CHFR: variants seen among roughly 807,000 people sequenced by gnomAD.
CHFR encodes the protein E3 ubiquitin-protein ligase CHFR.
CHFR carries 57 observed loss-of-function variants against 87.6 expected under a neutral mutation model. The observed-to-expected ratio is 0.65, with a 90% CI of 0.53 to 0.81. The LOEUF (loss-of-function observed/expected upper bound fraction) is 0.81. Among genes scored for constraint, CHFR ranks in the 30% least tolerant of loss-of-function variants. CHFR has a pLI of 0.00. For missense variants in CHFR, 797 were observed against 865.8 expected (o/e 0.92, Z 1.00); for synonymous variants, 381 against 359.2 (o/e 1.06, Z -0.69).
chr12:132,882,391 C>T (rs892209295), intron 2 of CHFR, among the ~76,000 whole-genome samples: 7 of 152,134 alleles, frequency 4.6e-5, no homozygotes, highest in East Asian at 1.9e-4. Context: ...TTCAGGGTGA[C>T]GAACATGTTC....
chr12:132,852,453 G>C (rs1276225457), intron 11 of CHFR, among the ~76,000 whole-genome samples: 2 of 9,628 alleles, frequency 2.1e-4, no homozygotes, highest in Non-Finnish European at 0.024. Flanking sequence ...AATCGATGTG[G>C]CAGCAGAAGT....
chr12:132,855,432 C>T (rs1181717513), intron 10 of CHFR, among the ~76,000 whole-genome samples: 3 of 151,346 alleles, frequency 2.0e-5, no homozygotes, highest in East Asian at 2.0e-4. Flanking sequence ...TTTGGGAGGT[C>T]GAGGCCGGCG....
At chr12:132,853,863 C>T (rs990654115) in intron 10 of CHFR, 8 of 425,304 alleles carry the variant, frequency 1.9e-5, no homozygotes, top group Admixed American at 1.5e-4. Context: ...CAGGAGACGA[C>T]GCCAGAGCAG....
chr12:132,855,746 G>A (rs891757853), intron 10 of CHFR, among the ~76,000 whole-genome samples: 2 of 152,212 alleles, frequency 1.3e-5, no homozygotes, highest in African/African-American at 4.8e-5. Context: ...GAATGGCTGG[G>A]TAGAGGCAGC....
chr12:132,857,432 C>A lies in CHFR; in HGVS notation c.1039G>T (p.Val347Leu). 6.2e-7 allele frequency: 1 copy of A among 1,614,102 alleles called. No individual in the cohort carries two copies. The highest frequency in any genetic ancestry group is 8.5e-7 in the Non-Finnish European group (1 of 1,179,994). ...GGATGCTGGATGAGGTATGCTTCCA[C>A]GAGGTTGTTGAGGATGTGGTTTTTA... ...ICKNHILNNL[V>L]EAYLIQHPDK... is the part of the protein sequence containing the mutation. The change falls in exon 9 of 18, where the codon GTG becomes TTG. Residue 347 changes from valine (V) to leucine (L), a missense_variant. By Grantham distance (32) the Val-to-Leu change is conservative. Transcript: ENST00000450056.
Position 132,832,533 on chromosome 12 carries a change from G to C in CHFR, c.*9021C>G, listed in dbSNP as rs138234650. On this transcript the variant is annotated 3_prime_UTR_variant, in exon 18 of 18. Coordinates refer to ENST00000450056, the MANE Select transcript of CHFR (RefSeq NM_001161346.2). ...AGGTGATGGATACCCCAGTTACTGG[G>C]AGTTGATCATTATACATTGTATGTC... 4 of 152,234 alleles carry C rather than the reference G, an allele frequency of 2.6e-5. No individual in the cohort carries two copies. The highest frequency in any genetic ancestry group is 5.9e-5 in the Non-Finnish European group (4 of 68,016). 9.4% of individuals were successfully genotyped at this position (152,234 alleles called of 1,614,324 possible). A position where few individuals can be genotyped will look rare whatever the true frequency, so the allele number is the denominator to read the frequency against.
intron 4 of CHFR, among the ~76,000 whole-genome samples, chr12:132,871,676 G>A (rs1438962459): frequency 6.6e-6 from 1 of 152,074 alleles, no homozygotes; most frequent in South Asian, 2.1e-4. Flanking sequence ...GGAGGCTGAG[G>A]CAGGAGAATT....
At chr12:132,861,739 G>T (rs1951214700) in intron 6 of CHFR, 105 bp from the exon 7 acceptor site, 2 of 1,047,956 alleles carry the variant, frequency 1.9e-6, no homozygotes, top group African/African-American at 3.2e-5. Flanking sequence ...GGCAGCCTGA[G>T]ATGTCGTAGT....
intron 14 of CHFR, 37 bp downstream of exon 14, chr12:132,848,048 G>C (rs1409802207): frequency 6.2e-7 from 1 of 1,612,110 alleles, no homozygotes; most frequent in Non-Finnish European, 8.5e-7. Flanking sequence ...GGGAGAAAAT[G>C]TGGCTCCCGG....
intron 3 of CHFR, among the ~76,000 whole-genome samples, chr12:132,876,561 T>A (rs1462682479): frequency 6.6e-6 from 1 of 152,216 alleles, no homozygotes; most frequent in Non-Finnish European, 1.5e-5. Context: ...TTATTAGTTT[T>A]AAAAAATGAT....
chr12:132,847,139 C>CAAAAAAAA lies in CHFR; in HGVS notation c.1648-10_1648-9insTTTTTTTT. ...CTGGTTGCCAGGTAATTCTGTGACGCAAAAAAAGAGAGGAATAAGAAATAC... is the reference window on the plus strand; with the variant it reads ...CTGGTTGCCAGGTAATTCTGTGACGCAAAAAAAAAAAAAAAGAGAGGAATAAGAAATAC... On this transcript the variant is annotated splice_polypyrimidine_tract_variant and intron_variant, in intron 14 of 17. Coordinates refer to ENST00000450056, the MANE Select transcript of CHFR (RefSeq NM_001161346.2). The CAAAAAAAA allele has an allele frequency of 6.2e-7, 1 of 1,605,548 alleles. No individual in the cohort carries two copies.
chr12:132,860,037 C>A (rs948589000), intron 7 of CHFR, among the ~76,000 whole-genome samples: 1 of 152,140 alleles, frequency 6.6e-6, no homozygotes, highest in African/African-American at 2.4e-5. Flanking sequence ...AAAGCAAGAT[C>A]CTGTCTCTTA....
At chr12:132,870,824 G>A (rs749603865) in intron 4 of CHFR, 41 bp from the exon 5 acceptor site, 5 of 1,326,546 alleles carry the variant, frequency 3.8e-6, no homozygotes, top group Admixed American at 1.7e-5. Flanking sequence ...GGTGGCCCCT[G>A]TGCAAACTGA....
chr12:132,867,442 A>C (rs10870526), intron 6 of CHFR: 22,698 of 152,250 alleles, frequency 0.15, 1,967 homozygotes, highest in Middle Eastern at 0.22. Flanking sequence ...GATCCATGGA[A>C]AGCAAAGGTC....
At chr12:132,847,259 G>T (rs1341009865) in intron 14 of CHFR, 129 bp from the exon 15 acceptor site, 21 of 1,449,298 alleles carry the variant, frequency 1.4e-5, no homozygotes, top group Non-Finnish European at 1.6e-5. Context: ...CCTTATAAGT[G>T]GCATTTGCAG....
At position 132,874,366 on chromosome 12, in the gene CHFR, T is replaced by G. The variant is rs541551043; in HGVS notation, c.234-1972A>C. On this transcript the variant is annotated intron_variant, in intron 3 of 17. Transcript: ENST00000450056. Reference sequence around the variant, plus strand: ...AGGCAGGGAGGCCCAGGACCAGCATTCAGCGCAAGGAAGCCAGGCCCTGGA... The same window carrying G: ...AGGCAGGGAGGCCCAGGACCAGCATGCAGCGCAAGGAAGCCAGGCCCTGGA... Among the ~76,000 whole-genome samples the G allele has an allele frequency of 1.2e-3, 106 of 91,694 alleles. 1 individual carries two copies. The highest frequency in any genetic ancestry group is 4.3e-3 in the African/African-American group (102 of 23,484). The allele number at this position is 91,694 out of a possible 152,430, so 60.2% of individuals were successfully genotyped here.
In CHFR at chr12:132,836,702, C is replaced by G. The variant is rs1199366115; in HGVS notation, c.*4852G>C. On this transcript the variant is annotated 3_prime_UTR_variant, in exon 18 of 18. Transcript: ENST00000450056. ...GAACTTTAAGACCCCACCATCTAGA[C>G]TCACCGCCTCAGAAGGAGACAACCG... 1 of 456,120 alleles carries G rather than the reference C, an allele frequency of 2.2e-6. No individual in the cohort carries two copies. Among genetic ancestry groups the G allele is most frequent in the Admixed American group, 2.3e-5 (1 of 42,572 alleles). 28.3% of individuals were successfully genotyped at this position (456,120 alleles called of 1,614,324 possible).
intron 4 of CHFR, 139 bp downstream of exon 4, chr12:132,872,146 A>G: frequency 1.5e-6 from 1 of 648,076 alleles, no homozygotes; most frequent in Non-Finnish European, 2.8e-6. Context: ...CACGGCAGGA[A>G]CCCATGTGAG....
chr12:132,883,640 T>C (rs1951819258), intron 2 of CHFR, among the ~76,000 whole-genome samples: 1 of 152,084 alleles, frequency 6.6e-6, no homozygotes. Context: ...GGCAGGAGAA[T>C]GGTGTGAACC....
Sources: allele counts gnomAD v4.1 joint callset (sites outside exome capture counted in the v4.1 genomes callset), GRCh38; gene constraint gnomAD v4.1.1; transcripts MANE v1.5; gene names NCBI Gene and HGNC (gene_info 2026-07-23, HGNC 2026-07-21).